Variants in CDKAL1 observed in about 807,000 individuals in gnomAD.
The protein encoded by CDKAL1 is threonylcarbamoyladenosine tRNA methylthiotransferase.
CDKAL1 carries 32 observed loss-of-function variants against 68.2 expected under a neutral mutation model. That is an observed-to-expected ratio of 0.47 (90% confidence interval 0.35 to 0.63). The LOEUF is 0.63. Ranked by LOEUF, CDKAL1 falls within the 30% of genes least tolerant of loss-of-function variation. The probability of loss-of-function intolerance (pLI) is 0.00; values close to 1 mark genes in which losing one functional copy is unlikely to be tolerated. For missense variants in CDKAL1, 606 were observed against 696.7 expected (o/e 0.87, Z 1.47); for synonymous variants, 234 against 244.3 (o/e 0.96, Z 0.39).
chr6:21,066,864 G>T (rs983816553), intron 12 of CDKAL1, among the ~76,000 whole-genome samples: 12 of 152,050 alleles, frequency 7.9e-5, no homozygotes, highest in Non-Finnish European at 1.6e-4. Context: ...GGACTCAAGC[G>T]ATCCTCCCAT....
intron 12 of CDKAL1, among the ~76,000 whole-genome samples, chr6:21,095,112 A>G (rs1773252248): frequency 6.6e-6 from 1 of 152,194 alleles, no homozygotes. Context: ...CTGAAGAGTT[A>G]AGGAAAGCAG....
chr6:20,601,462 A>G (rs10946393), intron 4 of CDKAL1, among the ~76,000 whole-genome samples: 52,469 of 152,034 alleles, frequency 0.35, 9,510 homozygotes, highest in East Asian at 0.53. Context: ...AATGGTAAGT[A>G]GTGATTAAAG....
At chr6:20,628,102 T>A (rs933628842) in intron 4 of CDKAL1, among the ~76,000 whole-genome samples, 1 of 152,174 alleles carries the variant, frequency 6.6e-6, no homozygotes, top group African/African-American at 2.4e-5. Flanking sequence ...TCTTGCTTCA[T>A]TTTCCTGGCT....
At chr6:20,588,075 C>T (rs576226472) in intron 4 of CDKAL1, among the ~76,000 whole-genome samples, 4 of 152,068 alleles carry the variant, frequency 2.6e-5, no homozygotes, top group Admixed American at 6.5e-5. Context: ...CCAGCCTGGG[C>T]GACAGAGCAA....
At chr6:21,126,688 C>T (rs1254825134) in intron 13 of CDKAL1, among the ~76,000 whole-genome samples, 1 of 152,070 alleles carries the variant, frequency 6.6e-6, no homozygotes, top group African/African-American at 2.4e-5. Flanking sequence ...CTAGTTTTAC[C>T]TATGTTATGC....
intron 13 of CDKAL1, among the ~76,000 whole-genome samples, chr6:21,192,268 G>A (rs897440321): frequency 4.0e-5 from 6 of 151,198 alleles, no homozygotes; most frequent in Middle Eastern, 6.8e-3. Flanking sequence ...TGATCCACCC[G>A]CCTCGGCCTC....
chr6:20,959,179 C>G (rs1764928496), intron 10 of CDKAL1, among the ~76,000 whole-genome samples: 1 of 152,080 alleles, frequency 6.6e-6, no homozygotes, highest in Non-Finnish European at 1.5e-5. Context: ...CATAGGCAGA[C>G]AAGTAGTGAA....
intron 15 of CDKAL1, among the ~76,000 whole-genome samples, chr6:21,205,781 T>G (rs1178233983): frequency 6.7e-6 from 1 of 150,294 alleles, no homozygotes; most frequent in African/African-American, 2.5e-5. Flanking sequence ...TCTGCCCGCC[T>G]TGGCCTCCCA....
intron 11 of CDKAL1, among the ~76,000 whole-genome samples, chr6:21,026,556 T>A (rs1768971533): frequency 6.6e-6 from 1 of 152,240 alleles, no homozygotes; most frequent in Admixed American, 6.5e-5. Flanking sequence ...TTATACAGGT[T>A]TATTATTGCA....
At chr6:21,224,381 G>C (rs544843740) in intron 15 of CDKAL1, among the ~76,000 whole-genome samples, 2 of 152,244 alleles carry the variant, frequency 1.3e-5, no homozygotes, top group East Asian at 3.9e-4. Context: ...GCCAAAATTA[G>C]CCAGGCGTGG....
At chr6:21,062,107 A>AC (rs1327024503) in intron 11 of CDKAL1, among the ~76,000 whole-genome samples, 1 of 152,192 alleles carries the variant, frequency 6.6e-6, no homozygotes, top group Non-Finnish European at 1.5e-5. Context: ...GTTCAACCAT[A>AC]ATGTATCAAG....
At chr6:21,211,725 A>G (rs1779157177) in intron 15 of CDKAL1, among the ~76,000 whole-genome samples, 1 of 152,162 alleles carries the variant, frequency 6.6e-6, no homozygotes, top group Non-Finnish European at 1.5e-5. Flanking sequence ...GGTGAATACT[A>G]GAAGTTTCTA....
At chr6:20,582,327 A>T (rs1765173597) in intron 4 of CDKAL1, among the ~76,000 whole-genome samples, 1 of 152,212 alleles carries the variant, frequency 6.6e-6, no homozygotes, top group South Asian at 2.1e-4. Context: ...AATATTAAAT[A>T]AATTGTTTTG....
chr6:21,157,061 A>T (rs987104527), intron 13 of CDKAL1, among the ~76,000 whole-genome samples: 1 of 152,176 alleles, frequency 6.6e-6, no homozygotes, highest in African/African-American at 2.4e-5. Flanking sequence ...GATGGTAGGT[A>T]GGGTGGAAAG....
intron 4 of CDKAL1, among the ~76,000 whole-genome samples, chr6:20,603,768 A>ATTTTTTTTTTTTTTTTTTTTTTT (rs745786047): frequency 1.2e-5 from 1 of 85,192 alleles, no homozygotes; most frequent in African/African-American, 4.7e-5. Context: ...CAGTTGCTAA[A>ATTTTTTTTTTTTTTTTTTTTTTT]TTTTTTTTTT....
intron 4 of CDKAL1, among the ~76,000 whole-genome samples, chr6:20,598,037 C>T (rs1009730251): frequency 1.3e-4 from 20 of 152,230 alleles, no homozygotes; most frequent in African/African-American, 4.8e-4. Flanking sequence ...ATTCCCTCCT[C>T]TCTGTCCATT....
chr6:20,882,191 C>T (rs184804666), intron 9 of CDKAL1, among the ~76,000 whole-genome samples: 1 of 152,294 alleles, frequency 6.6e-6, no homozygotes, highest in Admixed American at 6.5e-5. Flanking sequence ...GGTGCCCTCC[C>T]TGCACCTGGA....
intron 10 of CDKAL1, among the ~76,000 whole-genome samples, chr6:20,977,359 T>C (rs1377622848): frequency 1.3e-5 from 2 of 152,224 alleles, no homozygotes; most frequent in African/African-American, 4.8e-5. Flanking sequence ...GTTAAATTGA[T>C]AATAAAAGGC....
At chr6:20,783,163 C>T (rs6910215) in intron 8 of CDKAL1, among the ~76,000 whole-genome samples, 60,052 of 151,884 alleles carry the variant, frequency 0.4, 12,122 homozygotes, top group Non-Finnish European at 0.43. Flanking sequence ...CTCCTGAACT[C>T]AGGCAATCCA....
Sources: gnomAD v4.1 joint callset for allele counts (sites outside exome capture counted in the v4.1 genomes callset) on GRCh38, gnomAD v4.1.1 for gene constraint, MANE v1.5 for transcripts, NCBI Gene and HGNC (gene_info 2026-07-23, HGNC 2026-07-21) for gene names.